SMOC1: variants seen among roughly 807,000 people sequenced by gnomAD.
The protein encoded by SMOC1 is SPARC related modular calcium binding 1.
A neutral mutation model predicts 56.3 loss-of-function variants in SMOC1; 22 were observed. That is an observed-to-expected ratio of 0.39 (90% confidence interval 0.28 to 0.56). The LOEUF is 0.56. SMOC1 is among the 20% of genes least tolerant of loss of function. The pLI is 0.61. For missense variants in SMOC1, 509 were observed against 565.4 expected, an observed-to-expected ratio of 0.90 and a Z score of 1.01; for synonymous variants, 193 against 215.0, an observed-to-expected ratio of 0.90 and a Z score of 0.89.
At chr14:69,900,788 C>G (rs1250015785) in intron 1 of SMOC1, among the ~76,000 whole-genome samples, 1 of 152,228 alleles carries the variant, frequency 6.6e-6, no homozygotes, top group African/African-American at 2.4e-5. Flanking sequence ...ATTGCTAAAA[C>G]AAGGTGAATT....
intron 6 of SMOC1, 26 bp downstream of exon 6, chr14:69,992,499 T>C: frequency 6.5e-7 from 1 of 1,538,136 alleles, no homozygotes. Context: ...ACTTCTGATG[T>C]TCATTCTCCC....
chr14:69,977,205 C>T (rs966804686), intron 4 of SMOC1, among the ~76,000 whole-genome samples: 7 of 152,188 alleles, frequency 4.6e-5, no homozygotes, highest in Admixed American at 2.0e-4. Flanking sequence ...CCCTTCTGTG[C>T]ATGGGCTGGT....
intron 7 of SMOC1, among the ~76,000 whole-genome samples, chr14:70,009,714 C>T (rs1333843131): frequency 6.6e-6 from 1 of 152,100 alleles, no homozygotes; most frequent in East Asian, 1.9e-4. Context: ...CTTTTGTTAT[C>T]AAAAAAGTAG....
chr14:69,997,667 A>G (rs548839481), intron 7 of SMOC1, among the ~76,000 whole-genome samples: 1 of 152,290 alleles, frequency 6.6e-6, no homozygotes, highest in African/African-American at 2.4e-5. Flanking sequence ...TCTTGGTGGA[A>G]TATCTTTATG....
In SMOC1 at chr14:69,891,759, G is replaced by A. The variant is rs538590926; in HGVS notation, c.99+11982G>A. Among the ~76,000 whole-genome samples, 57 of 152,224 alleles carry A rather than the reference G, an allele frequency of 3.7e-4. 2 individuals carry two copies. In the South Asian group the frequency reaches 0.01, roughly 27 times the overall value. The stretch of plus-strand genomic sequence containing the variant: ...CTTCATCTTCTCCAAGTTATTCACC[G>A]TCGGTTTAAGATTTCCAAAGTCGGA... On this transcript the variant is annotated intron_variant, in intron 1 of 11. Transcript: ENST00000361956.
chr14:69,943,012 G>T (rs902498242), intron 1 of SMOC1, among the ~76,000 whole-genome samples: 9 of 152,138 alleles, frequency 5.9e-5, no homozygotes, highest in East Asian at 5.8e-4. Flanking sequence ...TGCTGGTGGT[G>T]GGGGGCACAG....
chr14:69,902,642 T>C (rs950043490), intron 1 of SMOC1, among the ~76,000 whole-genome samples: 1 of 152,122 alleles, frequency 6.6e-6, no homozygotes, highest in Non-Finnish European at 1.5e-5. Flanking sequence ...CTCCCTCTCT[T>C]TCCACGGTCT....
intron 7 of SMOC1, among the ~76,000 whole-genome samples, chr14:70,010,109 C>T (rs571981479): frequency 3.9e-5 from 6 of 152,290 alleles, no homozygotes; most frequent in Admixed American, 6.5e-5. Context: ...AGACACCATC[C>T]GGCTGGGCCT....
At chr14:69,942,015 T>C (rs936289529) in intron 1 of SMOC1, among the ~76,000 whole-genome samples, 14 of 152,208 alleles carry the variant, frequency 9.2e-5, no homozygotes, top group African/African-American at 3.4e-4. Context: ...AAATGGATGG[T>C]TCTTTTTCCT....
At chr14:69,930,030 G>C (rs118005233) in intron 1 of SMOC1, among the ~76,000 whole-genome samples, 4 of 152,028 alleles carry the variant, frequency 2.6e-5, no homozygotes, top group African/African-American at 9.7e-5. Context: ...AGACGTGGCT[G>C]GGGGAGCAGC....
In SMOC1 at chr14:69,969,023, A is replaced by G. The variant is rs572013712; in HGVS notation, c.379-6692A>G. ...AATACATAGCTTGACAAAGCATTAC[A>G]AAAAGAGAGGAGGGGTTGTCATCGG... On this transcript the variant is annotated intron_variant, in intron 3 of 11. Coordinates refer to ENST00000361956, the MANE Select transcript of SMOC1 (RefSeq NM_001034852.3). 9.2e-5 allele frequency among the ~76,000 whole-genome samples: 14 copies of G among 152,364 alleles called. No individual in the cohort carries two copies. The South Asian group carries it at 2.9e-3, about 32-fold the overall frequency.
rs74465410 is a variant in SMOC1 at position 69,880,540 on chromosome 14, A to G, written c.99+763A>G. Among the ~76,000 whole-genome samples, 855 of 152,282 alleles carry G rather than the reference A, an allele frequency of 5.6e-3. 7 individuals are homozygous for G. Among genetic ancestry groups the G allele is most frequent in the African/African-American group, 0.018 (754 of 41,572 alleles). ...TGTAAAATCTCCTGGAACCGACAGT[A>G]TTGTGTTCATTTCTGGTCTAGATTA... On this transcript the variant is annotated intron_variant, in intron 1 of 11. Coordinates refer to ENST00000361956, the MANE Select transcript of SMOC1 (RefSeq NM_001034852.3).
At chr14:69,919,521 C>T (rs778519943) in intron 1 of SMOC1, among the ~76,000 whole-genome samples, 5 of 152,188 alleles carry the variant, frequency 3.3e-5, no homozygotes, top group Admixed American at 1.3e-4. Context: ...CATGTAATAT[C>T]GTAACACATC....
At chr14:69,980,765 G>A (rs147650447) in intron 5 of SMOC1, among the ~76,000 whole-genome samples, 38 of 152,338 alleles carry the variant, frequency 2.5e-4, no homozygotes, top group African/African-American at 8.9e-4. Context: ...ATTACCCTGA[G>A]GCCTGCTGCA....
chr14:69,998,174 G>T (rs978770895), intron 7 of SMOC1, among the ~76,000 whole-genome samples: 2 of 152,160 alleles, frequency 1.3e-5, no homozygotes, highest in Non-Finnish European at 2.9e-5. Flanking sequence ...GTTCACTATA[G>T]TCAGTGTCGC....
At chr14:70,007,715 TC>T (rs1885195829) in intron 7 of SMOC1, among the ~76,000 whole-genome samples, 1 of 152,232 alleles carries the variant, frequency 6.6e-6, no homozygotes, top group African/African-American at 2.4e-5. Context: ...CATTAATCTC[TC>T]CAACGTTCAG....
chr14:69,885,266 C>CTTTTTT, intron 1 of SMOC1: 6 of 716,010 alleles, frequency 8.4e-6, no homozygotes, highest in East Asian at 5.9e-5. Context: ...CGAACAACTT[C>CTTTTTT]TTTTTTTTTT....
intron 11 of SMOC1, among the ~76,000 whole-genome samples, chr14:70,026,319 G>A (rs1035845624): frequency 3.3e-5 from 5 of 152,158 alleles, no homozygotes; most frequent in Admixed American, 6.5e-5. Flanking sequence ...CCCCCTTCCC[G>A]TGCTAGTAGT....
intron 10 of SMOC1, among the ~76,000 whole-genome samples, chr14:70,022,086 A>T (rs1885746358): frequency 6.6e-6 from 1 of 152,166 alleles, no homozygotes; most frequent in Admixed American, 6.5e-5. Context: ...GGGAAGTTGC[A>T]CAAGGGCCTA....
Sources: allele counts gnomAD v4.1 joint callset (sites outside exome capture counted in the v4.1 genomes callset), GRCh38; gene constraint gnomAD v4.1.1; transcripts MANE v1.5; gene names NCBI Gene and HGNC (gene_info 2026-07-23, HGNC 2026-07-21).